The following N4BP2L2 variants were observed in gnomAD, a reference collection of about 807,000 sequenced individuals.
N4BP2L2 encodes NEDD4-binding protein 2-like 2.
A neutral mutation model predicts 56.2 loss-of-function variants in N4BP2L2; 50 were observed. The observed-to-expected ratio is 0.89, with a 90% CI of 0.71 to 1.13. N4BP2L2 has a LOEUF of 1.13. Among genes scored for constraint, N4BP2L2 ranks in the 50% most tolerant of loss-of-function variants. The pLI, the probability that N4BP2L2 is intolerant of heterozygous loss-of-function variation, is 0.00. For missense variants in N4BP2L2, 689 were observed against 693.8 expected (o/e 0.99, Z 0.08); for synonymous variants, 203 against 223.6 (o/e 0.91, Z 0.82).
intron 8 of N4BP2L2, among the ~76,000 whole-genome samples, chr13:32,437,047 A>T (rs1370708696): frequency 6.6e-6 from 1 of 151,528 alleles, no homozygotes; most frequent in Admixed American, 6.6e-5. Context: ...CACACGGCTA[A>T]TTTTTTTGTG....
At chr13:32,481,882 G>A (rs775538745) in intron 6 of N4BP2L2, among the ~76,000 whole-genome samples, 17 of 152,130 alleles carry the variant, frequency 1.1e-4, no homozygotes, top group Non-Finnish European at 2.2e-4. Context: ...GGAACTAGAC[G>A]CAAATATTGC....
intron 6 of N4BP2L2, among the ~76,000 whole-genome samples, chr13:32,471,199 G>GC (rs1282925932): frequency 6.6e-6 from 1 of 152,204 alleles, no homozygotes; most frequent in Non-Finnish European, 1.5e-5. Context: ...TGTGTATCAG[G>GC]CCTGCATGCC....
intron 6 of N4BP2L2, chr13:32,444,205 A>G: frequency 1.8e-6 from 2 of 1,105,770 alleles, no homozygotes; most frequent in Non-Finnish European, 1.2e-6. Flanking sequence ...CATACTCTTC[A>G]TGTGCAGGTT....
intron 7 of N4BP2L2, among the ~76,000 whole-genome samples, chr13:32,439,868 A>G (rs1486506709): frequency 2.0e-5 from 3 of 150,804 alleles, no homozygotes; most frequent in Admixed American, 1.3e-4. Flanking sequence ...AAAAAAAAAA[A>G]AAAAAAAATT....
intron 6 of N4BP2L2, among the ~76,000 whole-genome samples, chr13:32,483,485 T>C (rs2085195816): frequency 6.6e-6 from 1 of 152,226 alleles, no homozygotes; most frequent in Admixed American, 6.5e-5. Flanking sequence ...AACTAGTTAG[T>C]GTATAAAAAT....
rs143234998 is a variant in N4BP2L2, at chr13:32,520,250, T to A, written c.1550+1123A>T. Among the ~76,000 whole-genome samples, 295 of 152,106 alleles carry A rather than the reference T, an allele frequency of 1.9e-3. 1 individual carries two copies. The highest frequency in any genetic ancestry group is 6.5e-3 in the African/African-American group (270 of 41,462). Reference sequence around the variant, plus strand: ...TGTGAATATACAGAAAAACACTGAATTGTATGCAATTAAATAGGTGAATTG... The same window carrying A: ...TGTGAATATACAGAAAAACACTGAAATGTATGCAATTAAATAGGTGAATTG... On this transcript the variant is annotated intron_variant, in intron 5 of 5. Transcript: ENST00000267068.
intron 6 of N4BP2L2, among the ~76,000 whole-genome samples, chr13:32,502,050 C>A (rs191909805): frequency 6.7e-6 from 1 of 150,314 alleles, no homozygotes; most frequent in East Asian, 1.9e-4. Flanking sequence ...TCCTTCTAGA[C>A]CTACTACAGC....
At chr13:32,491,071 A>G (rs922704486) in intron 6 of N4BP2L2, among the ~76,000 whole-genome samples, 2 of 151,984 alleles carry the variant, frequency 1.3e-5, no homozygotes, top group Admixed American at 6.6e-5. Flanking sequence ...AGACAGACTT[A>G]TACAGTGGCT....
intron 6 of N4BP2L2, chr13:32,480,753 G>A: frequency 4.0e-6 from 2 of 503,588 alleles, no homozygotes; most frequent in East Asian, 7.4e-5. Context: ...ATAGACTGAA[G>A]AACTCATAGA....
rs2076602441 is a variant in N4BP2L2 at position 32,443,189 on chromosome 13, A to AAC, written c.1302_1303insGT (p.Ser435ValfsTer12). 1.9e-6 allele frequency: 3 copies of AAC among 1,613,824 alleles called. No individual in the cohort carries two copies. Among genetic ancestry groups the AAC allele is most frequent in the Non-Finnish European group, 2.5e-6 (3 of 1,179,880 alleles). ...GAATCCATAGTTTCAGGTGGAGGTG[A>AAC]AAAATCTTCATTTCCTATCAGTAGT... On this transcript the variant is annotated frameshift_variant, in exon 7 of 10. Coordinates refer to the N4BP2L2 transcript ENST00000357505. LOFTEE classifies it high-confidence loss of function.
At chr13:32,493,081 C>T (rs1309852580) in intron 6 of N4BP2L2, among the ~76,000 whole-genome samples, 4 of 151,896 alleles carry the variant, frequency 2.6e-5, no homozygotes, top group Admixed American at 2.6e-4. Flanking sequence ...TGCCACCACA[C>T]CCAGCTAATT....
At chr13:32,505,595 C>G (rs961977050), downstream of N4BP2L2, 1 of 152,196 alleles carries the variant, frequency 6.6e-6, no homozygotes, top group African/African-American at 2.4e-5. Flanking sequence ...GCTTAGAAAT[C>G]TCAGCTAAAC....
intron 5 of N4BP2L2, among the ~76,000 whole-genome samples, chr13:32,519,384 G>C (rs1374612236): frequency 6.6e-6 from 1 of 152,154 alleles, no homozygotes; most frequent in Non-Finnish European, 1.5e-5. Context: ...GCCGGGTGCA[G>C]TGGCTCACAC....
intron 6 of N4BP2L2, among the ~76,000 whole-genome samples, chr13:32,487,863 T>C (rs1438797118): frequency 7.8e-6 from 1 of 127,914 alleles, no homozygotes; most frequent in Non-Finnish European, 1.7e-5. Flanking sequence ...AAAATTTATT[T>C]GATTTTTTTT....
chr13:32,443,709 T>A, exon 7 of N4BP2L2: 3 of 1,592,654 alleles, frequency 1.9e-6, no homozygotes, highest in Non-Finnish European at 2.6e-6. Flanking sequence ...GAGTCAGTAT[T>A]GGACAAGTAA....
chr13:32,444,528 A>C (rs1281160381), intron 6 of N4BP2L2, among the ~76,000 whole-genome samples: 1 of 152,112 alleles, frequency 6.6e-6, no homozygotes, highest in African/African-American at 2.4e-5. Context: ...CAGCCTCCCA[A>C]AGTGCTGGGA....
intron 4 of N4BP2L2, chr13:32,521,747 C>T (rs111757428): frequency 1.4e-5 from 4 of 286,218 alleles, no homozygotes; most frequent in South Asian, 5.3e-5. Flanking sequence ...AGGCTGAGCA[C>T]GGCAGATGGG....
exon 7 of N4BP2L2, chr13:32,443,745 C>A (rs2138310365): frequency 1.3e-6 from 2 of 1,571,262 alleles, no homozygotes; most frequent in Non-Finnish European, 1.7e-6. Flanking sequence ...GCCTCAGTAA[C>A]AAACTTACAA....
intron 6 of N4BP2L2, among the ~76,000 whole-genome samples, chr13:32,493,518 T>G (rs1328541908): frequency 6.6e-6 from 1 of 152,248 alleles, no homozygotes; most frequent in Admixed American, 6.5e-5. Flanking sequence ...ACTTCTCGTT[T>G]CTTTATGCCT....
Sources: allele counts gnomAD v4.1 joint callset (sites outside exome capture counted in the v4.1 genomes callset), GRCh38; gene constraint gnomAD v4.1.1; transcripts MANE v1.5; gene names NCBI Gene and HGNC (gene_info 2026-07-23, HGNC 2026-07-21).